Variants in EEF2K observed in about 807,000 individuals in gnomAD.
EEF2K encodes the protein alternative protein EEF2K.
In EEF2K, 70 loss-of-function variants were observed where a neutral mutation model predicts 93.8. The observed-to-expected ratio is 0.75, with a 90% CI of 0.62 to 0.91. The LOEUF is 0.91. EEF2K is among the 40% of genes least tolerant of loss of function. EEF2K has a pLI of 0.00. For missense variants in EEF2K, 935 were observed against 972.9 expected, an observed-to-expected ratio of 0.96 and a Z score of 0.52; for synonymous variants, 376 against 380.8, an observed-to-expected ratio of 0.99 and a Z score of 0.15.
chr16:22,256,546 T>A lies in EEF2K; in HGVS notation c.619-202T>A, dbSNP rs375972205. 2.7e-4 allele frequency among the ~76,000 whole-genome samples: 41 copies of A among 152,182 alleles called. No individual in the cohort carries two copies. In the East Asian group the frequency reaches 5.0e-3, roughly 19 times the overall value. ...CACCGTGCCCAGCCTAAAAATATAT[T>A]TTTTTTAATTTTAAAAAAATTAAAG... On this transcript the variant is annotated intron_variant, in intron 6 of 17. Coordinates refer to ENST00000263026, the MANE Select transcript of EEF2K (RefSeq NM_013302.5).
Position 22,248,761 on chromosome 16 carries a change from C to T in EEF2K, c.354C>T (p.Asn118=), listed in dbSNP as rs771897792. ...GGTGGATGGGTCTCTGCAGGTACAA[C>T]GCCGTCACCGGGGAATGGCTGGATG... is the stretch of plus-strand genomic sequence containing the variant. ...ATERATRHRY[N]AVTGEWLDDE... The change falls in exon 4 of 18, where the codon AAC becomes AAT. Residue 118 remains asparagine (N), a synonymous_variant. Transcript: ENST00000263026. The T allele has an allele frequency of 3.7e-5, 60 of 1,613,756 alleles. No homozygotes were observed. The highest frequency in any genetic ancestry group is 1.6e-4 in the Middle Eastern group (1 of 6,084).
chr16:22,250,792 G>A, intron 5 of EEF2K, 101 bp downstream of exon 5: 1 of 1,483,540 alleles, frequency 6.7e-7, no homozygotes. Context: ...TGGAGCCAGG[G>A]GCCTCTGCCT....
intron 1 of EEF2K, among the ~76,000 whole-genome samples, chr16:22,215,347 C>T (rs2099720448): frequency 6.6e-6 from 1 of 152,048 alleles, no homozygotes; most frequent in Non-Finnish European, 1.5e-5. Flanking sequence ...CTCAGAGGCA[C>T]CTGCAGATAG....
intron 12 of EEF2K, among the ~76,000 whole-genome samples, chr16:22,263,834 G>A (rs1268621236): frequency 6.6e-6 from 1 of 152,092 alleles, no homozygotes; most frequent in African/African-American, 2.4e-5. Flanking sequence ...CAGGGAGGAG[G>A]GCCTTGGAGG....
At chr16:22,280,153 G>A in intron 16 of EEF2K, 45 bp from the exon 17 acceptor site, 10 of 1,426,052 alleles carry the variant, frequency 7.0e-6, no homozygotes, top group African/African-American at 1.5e-5. Context: ...CTGCCACCCT[G>A]TTGCCATGGT....
Position 22,257,297 on chromosome 16 carries a change from A to G in EEF2K, c.813A>G (p.Ile271Met). The G allele has an allele frequency of 6.2e-7, 1 of 1,614,082 alleles. No individual in the cohort carries two copies. The change falls in exon 8 of 18, where the codon ATA (isoleucine) becomes ATG (methionine). Residue 271 changes from isoleucine to methionine, a missense_variant. Physicochemically the swap from Ile to Met is conservative, Grantham distance 10. Coordinates refer to ENST00000263026, the MANE Select transcript of EEF2K (RefSeq NM_013302.5). ...FTFERSGHQL[I>M]VVDIQGVGDL... Reference sequence around the variant, plus strand: ...TTGAGCGTTCCGGCCATCAGCTGATAGTGGTGGACATCCAGGGAGTTGGGG... The same window carrying G: ...TTGAGCGTTCCGGCCATCAGCTGATGGTGGTGGACATCCAGGGAGTTGGGG...
At chr16:22,234,814 G>A (rs1423630700) in intron 2 of EEF2K, among the ~76,000 whole-genome samples, 1 of 147,342 alleles carries the variant, frequency 6.8e-6, no homozygotes, top group Non-Finnish European at 1.5e-5. Context: ...TACATAAATA[G>A]AATCATACAA....
chr16:22,287,407 C>T lies in EEF2K; in HGVS notation c.*3411C>T, dbSNP rs978877499. The T allele has an allele frequency of 2.0e-5, 3 of 152,222 alleles. No homozygotes were observed. Among genetic ancestry groups the T allele is most frequent in the African/African-American group, 7.2e-5 (3 of 41,460 alleles). 9.4% of individuals were successfully genotyped at this position (152,222 alleles called of 1,614,324 possible). A position where few individuals can be genotyped will look rare whatever the true frequency, so the allele number is the denominator to read the frequency against. ...AGCCCAACTGGGACGATATCAGAGA[C>T]CATCTTCAAGTGCAAGAAGCAGGTG... On this transcript the variant is annotated 3_prime_UTR_variant, in exon 18 of 18. Transcript: ENST00000263026.
intron 1 of EEF2K, among the ~76,000 whole-genome samples, chr16:22,212,201 A>C (rs1372666814): frequency 6.6e-6 from 1 of 152,240 alleles, no homozygotes; most frequent in African/African-American, 2.4e-5. Context: ...TGACAGTTTT[A>C]TATGCAGAAA....
At chr16:22,244,011 T>G (rs971434054) in intron 2 of EEF2K, among the ~76,000 whole-genome samples, 2 of 151,276 alleles carry the variant, frequency 1.3e-5, no homozygotes, top group African/African-American at 4.9e-5. Context: ...GTGGATCACT[T>G]GAGGTCAGGA....
At chr16:22,244,555 CAGG>C (rs1210217622) in intron 2 of EEF2K, 72 bp from the exon 3 acceptor site, 1 of 1,394,932 alleles carries the variant, frequency 7.2e-7, no homozygotes, top group Non-Finnish European at 1.0e-6. Context: ...AATAACAGGG[CAGG>C]AGGAGTCCAC....
chr16:22,258,869 T>C, intron 10 of EEF2K, 174 bp downstream of exon 10: 1 of 805,782 alleles, frequency 1.2e-6, no homozygotes, highest in Non-Finnish European at 1.9e-6. Context: ...ATCATCCAAA[T>C]GCTATAAAAA....
chr16:22,248,915 A>G, intron 4 of EEF2K, 100 bp downstream of exon 4: 1 of 1,181,664 alleles, frequency 8.5e-7, no homozygotes. Flanking sequence ...CACTTTATTT[A>G]ATTTTTGTAA....
At position 22,288,711 on chromosome 16, in the gene EEF2K, A is replaced by C. The variant is rs571683021; in HGVS notation, c.*4715A>C. ...ATGTACTAAGTTCCATTTTCTCTTT[A>C]CAAATAAAGTGTTTTCTTTCTTTTC... On this transcript the variant is annotated 3_prime_UTR_variant, in exon 18 of 18. Transcript: ENST00000263026. 3.9e-5 allele frequency: 6 copies of C among 152,046 alleles called. No individual in the cohort carries two copies. The highest frequency in any genetic ancestry group is 1.4e-4 in the African/African-American group (6 of 41,444). The allele number at this position is 152,046 out of a possible 1,614,324, so 9.4% of individuals were successfully genotyped here. A position where few individuals can be genotyped will look rare whatever the true frequency, so the allele number is the denominator to read the frequency against.
Position 22,247,263 on chromosome 16 carries a change from A to T in EEF2K, c.348-1492A>T, listed in dbSNP as rs181842010. 4.2e-3 allele frequency among the ~76,000 whole-genome samples: 640 copies of T among 151,622 alleles called. 3 individuals are homozygous for T. Among genetic ancestry groups the T allele is most frequent in the African/African-American group, 0.014 (595 of 41,358 alleles). On this transcript the variant is annotated intron_variant, in intron 3 of 17. Transcript: ENST00000263026. ...CAAGATCAGCCTGGCCAACATGGTG[A>T]AACTCCATCTCTACAAAAATACAAA...
rs938649949 is a variant in EEF2K at position 22,286,775 on chromosome 16, G to A, written c.*2779G>A. The A allele has an allele frequency of 5.9e-5, 9 of 152,214 alleles. No homozygotes were observed. The highest frequency in any genetic ancestry group is 2.0e-4 in the Admixed American group (3 of 15,280). The allele number at this position is 152,214 out of a possible 1,614,324, so 9.4% of individuals were successfully genotyped here. ...AAACACAGTGCTTTGGCATAGAGTA[G>A]GCACTCAACAAGTGTGTGAACAGAT... On this transcript the variant is annotated 3_prime_UTR_variant, in exon 18 of 18. Coordinates refer to ENST00000263026, the MANE Select transcript of EEF2K (RefSeq NM_013302.5).
At chr16:22,228,256 A>G (rs988144239) in intron 2 of EEF2K, among the ~76,000 whole-genome samples, 2 of 152,152 alleles carry the variant, frequency 1.3e-5, no homozygotes, top group Non-Finnish European at 2.9e-5. Context: ...GTCACTGATT[A>G]TGAGAATTAA....
At chr16:22,228,238 A>G (rs1456968481) in intron 2 of EEF2K, among the ~76,000 whole-genome samples, 1 of 152,130 alleles carries the variant, frequency 6.6e-6, no homozygotes, top group African/African-American at 2.4e-5. Context: ...GTGTGGTCCT[A>G]ATAATTTGTC....
At chr16:22,262,001 C>CCCCACACACACACACACACACACACACA (rs1555473206) in intron 11 of EEF2K, among the ~76,000 whole-genome samples, 39 of 138,008 alleles carry the variant, frequency 2.8e-4, no homozygotes, top group African/African-American at 1.0e-3. Flanking sequence ...TGAGACCCTG[C>CCCCACACACACACACACACACACACACA]CACACACACA....
Sources: gnomAD v4.1 joint callset for allele counts (sites outside exome capture counted in the v4.1 genomes callset) on GRCh38, gnomAD v4.1.1 for gene constraint, MANE v1.5 for transcripts, NCBI Gene and HGNC (gene_info 2026-07-23, HGNC 2026-07-21) for gene names.